Variants in TTLL8 observed in about 807,000 individuals in gnomAD.
The protein encoded by TTLL8 is protein monoglycylase TTLL8.
TTLL8 carries 65 observed loss-of-function variants against 77.8 expected under a neutral mutation model. The ratio of observed to expected loss-of-function variants is 0.84; its 90% CI spans 0.68 to 1.03. The LOEUF (loss-of-function observed/expected upper bound fraction) is 1.03, where lower values mean the gene tolerates loss of function less well. Among genes scored for constraint, TTLL8 ranks in the 50% least tolerant of loss-of-function variants. TTLL8 has a pLI of 0.00. For synonymous variants in TTLL8, 402 were observed against 422.8 expected (o/e 0.95, Z 0.60); for missense variants, 910 against 1,004.5 (o/e 0.91, Z 1.27).
At chr22:50,035,898 G>C (rs1287271245) in intron 8 of TTLL8, among the ~76,000 whole-genome samples, 1 of 152,210 alleles carries the variant, frequency 6.6e-6, no homozygotes, top group East Asian at 1.9e-4. Context: ...GGTGGTATTT[G>C]GGCAGGACCA....
At chr22:50,020,376 C>G (rs1008925666) in intron 12 of TTLL8, among the ~76,000 whole-genome samples, 4 of 151,626 alleles carry the variant, frequency 2.6e-5, no homozygotes, top group Non-Finnish European at 4.4e-5. Flanking sequence ...ACGTGCACTC[C>G]TCCATCTGAC....
intron 8 of TTLL8, among the ~76,000 whole-genome samples, chr22:50,036,535 C>A (rs944989614): frequency 6.6e-6 from 1 of 152,038 alleles, no homozygotes; most frequent in Admixed American, 6.5e-5. Context: ...TGCCCTGTTC[C>A]TGAACTTCCT....
At chr22:50,040,904 C>T (rs972086094) in intron 8 of TTLL8, among the ~76,000 whole-genome samples, 1 of 152,148 alleles carries the variant, frequency 6.6e-6, no homozygotes, top group African/African-American at 2.4e-5. Flanking sequence ...GAACCCCTGG[C>T]CCCAGGAAGA....
At position 50,045,407 on chromosome 22, in the gene TTLL8, C is replaced by T. The variant is rs1018428465; in HGVS notation, c.509-18G>A. Reference sequence around the variant, plus strand: ...GAAGTCTTCTGAAAGGACAGCACAGCCTCGCCCTATCTGTCCGAGCCAGGA... The same window carrying T: ...GAAGTCTTCTGAAAGGACAGCACAGTCTCGCCCTATCTGTCCGAGCCAGGA... On this transcript the variant is annotated intron_variant, in intron 5 of 13. Transcript: ENST00000266182. The T allele has an allele frequency of 1.5e-6, 2 of 1,363,938 alleles. No homozygotes were observed. Among genetic ancestry groups the T allele is most frequent in the African/African-American group, 2.9e-5 (2 of 67,858 alleles). 84.5% of individuals were successfully genotyped at this position (1,363,938 alleles called of 1,614,324 possible).
At position 50,030,423 on chromosome 22, in the gene TTLL8, A is replaced by T. The variant is rs780869929; in HGVS notation, c.2203+7T>A. On this transcript the variant is annotated splice_region_variant and intron_variant, in intron 12 of 13. Coordinates refer to ENST00000266182, the Ensembl canonical transcript of TTLL8. ...GCCCACAGCGCACCGCCGGCGGCGC[A>T]GGTTACCTTTTCCTCCGGGCGGCGG... The T allele has an allele frequency of 2.0e-5, 27 of 1,318,490 alleles. No individual in the cohort carries two copies. The highest frequency in any genetic ancestry group is 1.5e-5 in the Non-Finnish European group (15 of 1,007,610). The allele number at this position is 1,318,490 out of a possible 1,614,324, so 81.7% of individuals were successfully genotyped here.
chr22:50,055,262 G>T, upstream of TTLL8: 1 of 1,289,906 alleles, frequency 7.8e-7, no homozygotes, highest in East Asian at 5.6e-5. Flanking sequence ...TAACTGCCTT[G>T]CTATTTTGTA....
At chr22:50,047,402 G>A (rs937347301) in intron 3 of TTLL8, 106 bp from the exon 6 acceptor site, 1 of 962,384 alleles carries the variant, frequency 1.0e-6, no homozygotes, top group Non-Finnish European at 1.5e-6. Flanking sequence ...TGCAGCGTGA[G>A]GATCCCAGCC....
intron 3 of TTLL8, among the ~76,000 whole-genome samples, chr22:50,047,561 C>T (rs1299200954): frequency 2.6e-5 from 4 of 152,260 alleles, no homozygotes; most frequent in African/African-American, 4.8e-5. Context: ...CTGAGCCGTC[C>T]GCATGGGGTC....
At chr22:50,023,450 C>T (rs368056167) in intron 12 of TTLL8, among the ~76,000 whole-genome samples, 21 of 152,006 alleles carry the variant, frequency 1.4e-4, no homozygotes, top group South Asian at 6.2e-4. Context: ...TTTGGGAGGC[C>T]GAGGCGGGTG....
intron 12 of TTLL8, among the ~76,000 whole-genome samples, chr22:50,027,976 G>A (rs2061241762): frequency 6.6e-6 from 1 of 152,276 alleles, no homozygotes; most frequent in Non-Finnish European, 1.5e-5. Context: ...ACAAGTGAGA[G>A]GCGCCTCAGA....
At chr22:50,032,189 G>A (rs2061301613) in intron 10 of TTLL8, 80 bp from the exon 12 acceptor site, 6 of 1,270,792 alleles carry the variant, frequency 4.7e-6, no homozygotes, top group Admixed American at 2.4e-5. Flanking sequence ...CAGCCGTGCT[G>A]AGCCCACCCA....
intron 12 of TTLL8, among the ~76,000 whole-genome samples, chr22:50,025,187 A>G (rs1404007856): frequency 1.3e-5 from 2 of 151,772 alleles, no homozygotes; most frequent in Admixed American, 1.3e-4. Flanking sequence ...TACATACCGC[A>G]TGCCTGCATC....
intron 8 of TTLL8, among the ~76,000 whole-genome samples, chr22:50,035,114 G>A (rs2061326675): frequency 6.6e-6 from 1 of 152,310 alleles, no homozygotes; most frequent in East Asian, 1.9e-4. Context: ...TGCCCGGATG[G>A]ATTGGGGGGA....
At chr22:50,050,054 T>A (rs1429354960) in intron 2 of TTLL8, 55 bp downstream of exon 4, 1 of 1,345,456 alleles carries the variant, frequency 7.4e-7, no homozygotes, top group Non-Finnish European at 9.9e-7. Flanking sequence ...CGACTCCTCC[T>A]GCCCGTGACA....
intron 12 of TTLL8, among the ~76,000 whole-genome samples, chr22:50,029,594 G>A (rs549699239): frequency 2.0e-5 from 3 of 152,264 alleles, no homozygotes; most frequent in South Asian, 2.1e-4. Context: ...AGCCGGGCGC[G>A]GTGGCGGGCG....
upstream of TTLL8, among the ~76,000 whole-genome samples, chr22:50,057,533 TGAGCGGGAG>T (rs1569237199): frequency 9.3e-4 from 72 of 77,284 alleles, no homozygotes; most frequent in South Asian, 1.4e-3. Context: ...AGGTCTGGGT[TGAGCGGGAG>T]GTCTGGGTTG....
At chr22:50,036,308 G>A (rs980495999) in intron 8 of TTLL8, among the ~76,000 whole-genome samples, 12 of 152,204 alleles carry the variant, frequency 7.9e-5, no homozygotes, top group Non-Finnish European at 1.3e-4. Context: ...GCGGGGATCC[G>A]ATGCTGCCAC....
intron 12 of TTLL8, among the ~76,000 whole-genome samples, chr22:50,020,475 T>TACTCCTCAATCTGACATGC (rs2061188375): frequency 1.4e-5 from 2 of 146,720 alleles, no homozygotes; most frequent in Admixed American, 1.4e-4. Flanking sequence ...AGATGATGTG[T>TACTCCTCAATCTGACATGC]ACTCCTCCAT....
chr22:50,019,746 C>A (rs1452293990), intron 12 of TTLL8, among the ~76,000 whole-genome samples: 2 of 152,172 alleles, frequency 1.3e-5, no homozygotes, highest in Non-Finnish European at 2.9e-5. Context: ...GACTCCTGAG[C>A]CACAGAAAAT....
Sources: allele counts gnomAD v4.1 joint callset (sites outside exome capture counted in the v4.1 genomes callset), GRCh38; gene constraint gnomAD v4.1.1; transcripts MANE v1.5; gene names NCBI Gene and HGNC (gene_info 2026-07-23, HGNC 2026-07-21).